TTC39A: variants seen among roughly 807,000 people sequenced by gnomAD.
The protein encoded by TTC39A is tetratricopeptide repeat protein 39A.
A neutral mutation model predicts 82.3 loss-of-function variants in TTC39A; 46 were observed. That is an observed-to-expected ratio of 0.56 (90% CI 0.44 to 0.71). The LOEUF (loss-of-function observed/expected upper bound fraction) is 0.71. TTC39A is among the 30% of genes least tolerant of loss of function. The pLI is 0.00. For synonymous variants in TTC39A, 254 were observed against 275.2 expected (o/e 0.92, Z 0.76); for missense variants, 543 against 712.9 (o/e 0.76, Z 2.71).
intron 5 of TTC39A, among the ~76,000 whole-genome samples, chr1:51,311,024 C>T (rs190850459): frequency 1.3e-5 from 2 of 152,286 alleles, no homozygotes; most frequent in East Asian, 1.9e-4. Flanking sequence ...AACAGCATCC[C>T]GGTAATGGTG....
intron 2 of TTC39A, among the ~76,000 whole-genome samples, chr1:51,316,962 C>T (rs138480147): frequency 0.017 from 2,603 of 152,312 alleles, 47 homozygotes; most frequent in Non-Finnish European, 0.026. Context: ...TTATTAACCA[C>T]GATCATGTAA....
Position 51,309,264 on chromosome 1 carries a change from T to A in TTC39A, c.485A>T (p.Tyr162Phe). ...GCGGATGGCCAGCCCCACTCACTTG[T>A]AGGTCTGGTAGCTGTTTCGAACTTT... Reference protein sequence around the residue: ...GIKVRNSYQTYKELDSLVQSS... With the variant: ...GIKVRNSYQTFKELDSLVQSS... The change falls in exon 6 of 18, where the codon TAC becomes TTC. Residue 162 changes from tyrosine to phenylalanine, a missense_variant. Coordinates refer to ENST00000680483, the MANE Select transcript of TTC39A (RefSeq NM_001297663.2). 3 of 1,609,168 alleles carry A rather than the reference T, an allele frequency of 1.9e-6. No individual in the cohort carries two copies. Among genetic ancestry groups the A allele is most frequent in the Non-Finnish European group, 2.5e-6 (3 of 1,177,454 alleles).
At chr1:51,302,156 A>T in intron 11 of TTC39A, 1 of 753,542 alleles carries the variant, frequency 1.3e-6, no homozygotes, top group Non-Finnish European at 2.4e-6. Context: ...CAGGCACCAC[A>T]AATGCCTCCT....
At chr1:51,293,580 C>T (rs964438910) in intron 14 of TTC39A, among the ~76,000 whole-genome samples, 8 of 152,220 alleles carry the variant, frequency 5.3e-5, no homozygotes, top group African/African-American at 1.9e-4. Context: ...CCTAAAGCTA[C>T]TCAGTTAATG....
chr1:51,288,355 T>C lies in TTC39A; in HGVS notation c.1611-75A>G. 6.4e-7 allele frequency: 1 copy of C among 1,573,614 alleles called. No individual in the cohort carries two copies. Among genetic ancestry groups the C allele is most frequent in the South Asian group, 1.1e-5 (1 of 89,028 alleles). On this transcript the variant is annotated intron_variant, in intron 17 of 17. Transcript: ENST00000680483. This position sits in a 1 kb window ranked among gnomAD's most constrained non-coding sequence, Gnocchi z 4.8. ...TGCTTTTCCTCCTGTTTGAGCTGTA[T>C]GAGCCCCGCGAGCCAAGGAAGGATT...
intron 12 of TTC39A, chr1:51,301,228 G>C (rs1301253109): frequency 4.7e-6 from 1 of 211,132 alleles, no homozygotes; most frequent in Non-Finnish European, 9.4e-6. Context: ...CAGTTTCCCA[G>C]TTGCACTAGG....
chr1:51,331,320 T>C, upstream of TTC39A: 1 of 1,533,556 alleles, frequency 6.5e-7, no homozygotes, highest in East Asian at 2.5e-5. Context: ...TGAGGCGGTG[T>C]CTCCACCTGA....
In TTC39A at chr1:51,306,043, G is replaced by A. The variant is rs1041379711; in HGVS notation, c.522C>T (p.Tyr174=). The A allele has an allele frequency of 1.9e-6, 3 of 1,613,694 alleles. No individual in the cohort carries two copies. The highest frequency in any genetic ancestry group is 2.5e-6 in the Non-Finnish European group (3 of 1,179,802). The part of the protein sequence containing the change: ...ELDSLVQSSQ[Y]CKGENHPHFE... Reference sequence around the variant, plus strand: ...AGTGCGGGTGGTTCTCACCCTTGCAGTATTGTGAGGACTGAACAAGGCTGT... The same window carrying A: ...AGTGCGGGTGGTTCTCACCCTTGCAATATTGTGAGGACTGAACAAGGCTGT... The change falls in exon 7 of 18, where the codon TAC becomes TAT. Residue 174 remains tyrosine, a synonymous_variant. Coordinates refer to ENST00000680483, the MANE Select transcript of TTC39A (RefSeq NM_001297663.2).
chr1:51,306,517 C>T (rs557232582), intron 6 of TTC39A, among the ~76,000 whole-genome samples: 1 of 152,256 alleles, frequency 6.6e-6, no homozygotes, highest in East Asian at 1.9e-4. Flanking sequence ...CAGAATGTCT[C>T]CAGACACTGC....
intron 5 of TTC39A, among the ~76,000 whole-genome samples, chr1:51,310,474 A>G (rs1645043227): frequency 6.6e-6 from 1 of 152,204 alleles, no homozygotes; most frequent in Non-Finnish European, 1.5e-5. Context: ...TAAAGCAAGG[A>G]CTAGGATTAA....
rs1220944399 is a variant in TTC39A at position 51,330,514 on chromosome 1, G to A, written c.-37C>T. 3 of 983,460 alleles carry A rather than the reference G, an allele frequency of 3.1e-6. No individual in the cohort carries two copies. Among genetic ancestry groups the A allele is most frequent in the Non-Finnish European group, 2.4e-6 (2 of 830,084 alleles). 60.9% of individuals were successfully genotyped at this position (983,460 alleles called of 1,614,324 possible). A position where few individuals can be genotyped will look rare whatever the true frequency, so the allele number is the denominator to read the frequency against. On this transcript the variant is annotated 5_prime_UTR_variant, in exon 1 of 18. Transcript: ENST00000680483. The surrounding 1 kb of genome is among the most constrained non-coding windows in gnomAD (Gnocchi z 4.5). ...GCGGGCGGCGCTGCCCCAGCCGGAC[G>A]CCAATCGCGGCCCAGGTGCTGCCGC...
intron 1 of TTC39A, among the ~76,000 whole-genome samples, chr1:51,338,569 G>A (rs796219568): frequency 1.5e-4 from 23 of 151,056 alleles, no homozygotes; most frequent in African/African-American, 4.1e-4. Context: ...GTGACCACCC[G>A]AGTGCAGCGC....
intron 1 of TTC39A, among the ~76,000 whole-genome samples, chr1:51,338,075 C>A (rs760857595): frequency 6.6e-6 from 1 of 152,056 alleles, no homozygotes. Flanking sequence ...AGCCTTGCTG[C>A]CTAAACGAAT....
upstream of TTC39A, among the ~76,000 whole-genome samples, chr1:51,335,560 TCA>T (rs1491187679): frequency 8.7e-6 from 1 of 114,904 alleles, no homozygotes; most frequent in East Asian, 2.2e-4. Flanking sequence ...AACTCTTGTC[TCA>T]CAAAAAAAAA....
rs1037250876 is a variant in TTC39A, at chr1:51,290,637, G to C, written c.1267-12C>G. Reference sequence around the variant, plus strand: ...ATGTACATCATTTCCTGAAGGCAGGGGGGCAAGTCAGTCCTAGGTTTCTTC... The same window carrying C: ...ATGTACATCATTTCCTGAAGGCAGGCGGGCAAGTCAGTCCTAGGTTTCTTC... On this transcript the variant is annotated splice_polypyrimidine_tract_variant and intron_variant, in intron 14 of 17. Coordinates refer to ENST00000680483, the MANE Select transcript of TTC39A (RefSeq NM_001297663.2). 1 of 1,608,114 alleles carries C rather than the reference G, an allele frequency of 6.2e-7. No homozygotes were observed. The highest frequency in any genetic ancestry group is 1.3e-5 in the African/African-American group (1 of 74,980).
intron 16 of TTC39A, 25 bp downstream of exon 16, chr1:51,289,980 A>C (rs1335163369): frequency 1.3e-6 from 2 of 1,595,434 alleles, no homozygotes; most frequent in Non-Finnish European, 1.7e-6. Flanking sequence ...TCAGACCCAG[A>C]AGGAGCAGCT....
intron 1 of TTC39A, among the ~76,000 whole-genome samples, chr1:51,337,597 T>C (rs1570027092): frequency 1.3e-5 from 2 of 151,820 alleles, no homozygotes; most frequent in Non-Finnish European, 2.9e-5. Context: ...CAGCTAATTT[T>C]TGTATTTTTA....
chr1:51,321,283 C>T lies in TTC39A; in HGVS notation c.146+438G>A, dbSNP rs1429953858. ...TAAGTAAAGAAAAAGGAGTATACGC[C>T]CATTATTGATTTGTATTTACAGAAA... On this transcript the variant is annotated intron_variant, in intron 2 of 17. Transcript: ENST00000680483. The surrounding 1 kb of genome is among the most constrained non-coding windows in gnomAD (Gnocchi z 4.6). 6.6e-6 allele frequency among the ~76,000 whole-genome samples: 1 copy of T among 152,108 alleles called. No individual in the cohort carries two copies. Among genetic ancestry groups the T allele is most frequent in the African/African-American group, 2.4e-5 (1 of 41,400 alleles).
In TTC39A at chr1:51,321,174, C is replaced by T. The variant is rs1474818382; in HGVS notation, c.146+547G>A. Reference sequence around the variant, plus strand: ...CAAGCGTGAGCCACCACGCCCAGCCCAATAAATGTTTTAAAGTGATAAGAA... The same window carrying T: ...CAAGCGTGAGCCACCACGCCCAGCCTAATAAATGTTTTAAAGTGATAAGAA... On this transcript the variant is annotated intron_variant, in intron 2 of 17. Transcript: ENST00000680483. This position sits in a 1 kb window ranked among gnomAD's most constrained non-coding sequence, Gnocchi z 4.6. Among the ~76,000 whole-genome samples, 1 of 152,084 alleles carries T rather than the reference C, an allele frequency of 6.6e-6. No individual in the cohort carries two copies. Among genetic ancestry groups the T allele is most frequent in the South Asian group, 2.1e-4 (1 of 4,832 alleles).
Sources: allele counts gnomAD v4.1 joint callset (sites outside exome capture counted in the v4.1 genomes callset), GRCh38; gene constraint gnomAD v4.1.1; non-coding constraint Gnocchi (gnomAD v3.1); transcripts MANE v1.5; gene names NCBI Gene and HGNC (gene_info 2026-07-23, HGNC 2026-07-21).